Variants in HHIPL1 observed in about 807,000 individuals in gnomAD.
The protein encoded by HHIPL1 is HHIP-like protein 1.
A neutral mutation model predicts 61.8 loss-of-function variants in HHIPL1; 43 were observed. That is an observed-to-expected ratio of 0.70 (90% confidence interval 0.55 to 0.90). HHIPL1 has a LOEUF of 0.90. HHIPL1 is among the 40% of genes least tolerant of loss of function. The pLI, the probability that HHIPL1 is intolerant of heterozygous loss-of-function variation, is 0.00. For synonymous variants in HHIPL1, 482 were observed against 515.8 expected (o/e 0.93, Z 0.89); for missense variants, 1,056 against 1,157.7 (o/e 0.91, Z 1.28).
Position 99,660,142 on chromosome 14 carries a change from TGGG to T in HHIPL1, c.1376-137_1376-135del. On this transcript the variant is annotated intron_variant, in intron 4 of 8. Coordinates refer to ENST00000330710, the MANE Select transcript of HHIPL1 (RefSeq NM_001127258.3). This position sits in a 1 kb window ranked among gnomAD's most constrained non-coding sequence, Gnocchi z 4.9. The stretch of plus-strand genomic sequence containing the variant: ...GCTTTCCACCACGCCAGCCCTGCTG[TGGG>T]CACGCCAGCCCTGCTGTGGGCACGC... 6 of 700,668 alleles carry T rather than the reference TGGG, an allele frequency of 8.6e-6. No homozygotes were observed. Among genetic ancestry groups the T allele is most frequent in the Admixed American group, 3.3e-5 (1 of 30,154 alleles). 43.4% of individuals were successfully genotyped at this position (700,668 alleles called of 1,614,324 possible).
the HHIPL1 span, chr14:99,604,598 G>A: frequency 6.6e-6 from 1 of 152,100 alleles, no homozygotes; most frequent in South Asian, 2.1e-4. Context: ...AGGGCTACAG[G>A]GCGCTTTTAA....
the HHIPL1 span, among the ~76,000 whole-genome samples, chr14:99,611,293 A>ATTT: frequency 7.9e-6 from 1 of 127,354 alleles, no homozygotes. Flanking sequence ...ACCACCTGTA[A>ATTT]TTTTTTTTTT....
Position 99,675,703 on chromosome 14 carries a change from C to CT in HHIPL1, c.*77_*78insT. The CT allele has an allele frequency of 1.5e-6, 2 of 1,342,330 alleles. No individual in the cohort carries two copies. The highest frequency in any genetic ancestry group is 2.0e-6 in the Non-Finnish European group (2 of 1,013,604). The allele number at this position is 1,342,330 out of a possible 1,614,324, so 83.2% of individuals were successfully genotyped here. A position where few individuals can be genotyped will look rare whatever the true frequency, so the allele number is the denominator to read the frequency against. ...GCCGCTCCGCCCTGTGTGCGCCCAG[C>CT]GGGTGCACACGTGTTCTAGAGTGAA... On this transcript the variant is annotated 3_prime_UTR_variant, in exon 9 of 9. Coordinates refer to ENST00000330710, the MANE Select transcript of HHIPL1 (RefSeq NM_001127258.3). The surrounding 1 kb of genome is among the most constrained non-coding windows in gnomAD (Gnocchi z 5.4).
chr14:99,674,987 C>T (rs2056369795), intron 8 of HHIPL1, 104 bp from the exon 9 acceptor site: 1 of 542,272 alleles, frequency 1.8e-6, no homozygotes, highest in African/African-American at 2.1e-5. Context: ...CATCCTTCCC[C>T]GAGTCTGCGC....
At chr14:99,657,858 TAC>T (rs1414566810) in intron 3 of HHIPL1, among the ~76,000 whole-genome samples, 4 of 150,536 alleles carry the variant, frequency 2.7e-5, no homozygotes, top group African/African-American at 9.8e-5. Context: ...ATACACACAA[TAC>T]ACACACATAT....
chr14:99,637,201 GAAGAAAGAAAGAAAGAAAGA>G, the HHIPL1 span, among the ~76,000 whole-genome samples: 1,545 of 87,298 alleles, frequency 0.018, 32 homozygotes, highest in East Asian at 0.027. Flanking sequence ...AGAAAGAAAG[GAAGAAAGAAAGAAAGAAAGA>G]AAGAAAGAAA....
At position 99,675,444 on chromosome 14, in the gene HHIPL1, C is replaced by T. The variant is rs755061217; in HGVS notation, c.2167C>T (p.Arg723Cys). The change falls in exon 9 of 9, where the codon CGC becomes TGC. Residue 723 changes from arginine (R) to cysteine (C), a missense_variant. Transcript: ENST00000330710. The surrounding 1 kb of genome is among the most constrained non-coding windows in gnomAD (Gnocchi z 5.4). ...CCAGCTGGGGTTTGCCTACGCCGTG[C>T]GCGCCGTCAAGAGAGCCGAGTTCGG... ...CRQLGFAYAV[R>C]AVKRAEFGQG... is the part of the protein sequence containing the mutation. 42 of 1,537,948 alleles carry T rather than the reference C, an allele frequency of 2.7e-5. No homozygotes were observed. In the South Asian group the frequency reaches 4.3e-4, roughly 16 times the overall value.
intron 1 of HHIPL1, among the ~76,000 whole-genome samples, chr14:99,651,073 A>G (rs11627015): frequency 0.19 from 28,143 of 152,098 alleles, 3,059 homozygotes; most frequent in East Asian, 0.27. Context: ...ACATGGCAAA[A>G]CCCCATCTCT....
rs551949138 is a variant in HHIPL1 at position 99,652,694 on chromosome 14, G to A, written c.726G>A (p.Ser242=). 4.3e-6 allele frequency: 7 copies of A among 1,613,870 alleles called. No homozygotes were observed. The highest frequency in any genetic ancestry group is 5.1e-6 in the Non-Finnish European group (6 of 1,180,018). The change falls in exon 2 of 9, where the codon TCG becomes TCA. Residue 242 remains serine (S), a synonymous_variant. Transcript: ENST00000330710. ...ACATCAGCCGGGTGGTGCTCACCTC[G>A]CCCTGGGAGGGTGACGAGCGTGGCT... ...FLNISRVVLT[S]PWEGDERGFL...
chr14:99,650,817 A>G (rs534308237), intron 1 of HHIPL1, among the ~76,000 whole-genome samples: 1 of 152,384 alleles, frequency 6.6e-6, no homozygotes, highest in South Asian at 2.1e-4. Flanking sequence ...GGCCATGGCC[A>G]TGATTTAAGA....
chr14:99,660,283 A>C lies in HHIPL1; in HGVS notation c.1379A>C (p.Asp460Ala), dbSNP rs1362394670. ...RSLCANTSLNDLLPIFAYPHT... is the reference protein window; with the variant it reads ...RSLCANTSLNALLPIFAYPHT... ...TTCTCTCCCTCCCACCCCGCAGATG[A>C]CTTGCTGCCGATTTTCGCCTACCCG... Residue 460 changes from aspartate to alanine, a missense_variant, in exon 5 of 9, where the codon GAC becomes GCC. Coordinates refer to ENST00000330710, the MANE Select transcript of HHIPL1 (RefSeq NM_001127258.3). This position sits in a 1 kb window ranked among gnomAD's most constrained non-coding sequence, Gnocchi z 4.9. 1.2e-6 allele frequency: 2 copies of C among 1,613,776 alleles called. No homozygotes were observed. Among genetic ancestry groups the C allele is most frequent in the Non-Finnish European group, 1.7e-6 (2 of 1,179,910 alleles).
chr14:99,670,259 C>T (rs2056312961), intron 7 of HHIPL1, among the ~76,000 whole-genome samples: 1 of 152,130 alleles, frequency 6.6e-6, no homozygotes, highest in Non-Finnish European at 1.5e-5. Context: ...CTACAGGTGC[C>T]TGCCACCATG....
chr14:99,635,952 G>A, the HHIPL1 span, among the ~76,000 whole-genome samples: 1 of 152,148 alleles, frequency 6.6e-6, no homozygotes, highest in Non-Finnish European at 1.5e-5. Context: ...AGAGGGTCTC[G>A]GCCAGAGCAC....
At chr14:99,642,731 A>G (rs530133278), upstream of HHIPL1, among the ~76,000 whole-genome samples, 17 of 151,954 alleles carry the variant, frequency 1.1e-4, no homozygotes, top group South Asian at 3.1e-3. Flanking sequence ...TCACCGTATT[A>G]GCCAGTATGA....
rs188280702 is a variant in HHIPL1, at chr14:99,675,769, C to T, written c.*143C>T. 573 of 803,050 alleles carry T rather than the reference C, an allele frequency of 7.1e-4. 2 individuals are homozygous for T. The highest frequency in any genetic ancestry group is 7.1e-3 in the African/African-American group (395 of 55,590). The allele number at this position is 803,050 out of a possible 1,614,324, so 49.7% of individuals were successfully genotyped here. A position where few individuals can be genotyped will look rare whatever the true frequency, so the allele number is the denominator to read the frequency against. ...TGCTGTCCTGGGGACATGTGTGAGG[C>T]GCTGCAGTGCATGTGTGTCCTCTGC... On this transcript the variant is annotated 3_prime_UTR_variant, in exon 9 of 9. Coordinates refer to ENST00000330710, the MANE Select transcript of HHIPL1 (RefSeq NM_001127258.3). The surrounding 1 kb of genome is among the most constrained non-coding windows in gnomAD (Gnocchi z 5.4).
At chr14:99,646,205 G>T (rs1454335436) in intron 1 of HHIPL1, among the ~76,000 whole-genome samples, 1 of 152,272 alleles carries the variant, frequency 6.6e-6, no homozygotes, top group East Asian at 1.9e-4. Context: ...TGAGGCCCCA[G>T]GGCCTGACCA....
chr14:99,653,483 C>T (rs1217858490), intron 2 of HHIPL1, among the ~76,000 whole-genome samples: 1 of 152,322 alleles, frequency 6.6e-6, no homozygotes, highest in East Asian at 1.9e-4. Context: ...CAGGCACACA[C>T]CACCACACCT....
chr14:99,632,758 G>A, the HHIPL1 span, among the ~76,000 whole-genome samples: 1 of 152,160 alleles, frequency 6.6e-6, no homozygotes, highest in Non-Finnish European at 1.5e-5. Flanking sequence ...TGTCTGCATC[G>A]TGGTGCACTG....
At chr14:99,614,265 C>T in the HHIPL1 span, among the ~76,000 whole-genome samples, 1 of 152,146 alleles carries the variant, frequency 6.6e-6, no homozygotes, top group Non-Finnish European at 1.5e-5. Flanking sequence ...CCCCGGAGCC[C>T]AGAGTCTTCC....
Sources: allele counts gnomAD v4.1 joint callset (sites outside exome capture counted in the v4.1 genomes callset), GRCh38; gene constraint gnomAD v4.1.1; non-coding constraint Gnocchi (gnomAD v3.1); transcripts MANE v1.5; gene names NCBI Gene and HGNC (gene_info 2026-07-23, HGNC 2026-07-21).